Variants in PDE10A observed in about 807,000 individuals in gnomAD.
PDE10A encodes the protein phosphodiesterase 10A.
A neutral mutation model predicts 97.7 loss-of-function variants in PDE10A; 39 were observed. The observed-to-expected ratio is 0.40, with a 90% CI of 0.31 to 0.52. The LOEUF (loss-of-function observed/expected upper bound fraction) is 0.52. Among genes scored for constraint, PDE10A ranks in the 20% least tolerant of loss-of-function variants. PDE10A has a pLI of 0.56. For missense variants in PDE10A, 731 were observed against 1,047.8 expected (o/e 0.70, Z 4.17); for synonymous variants, 371 against 376.8 (o/e 0.98, Z 0.18).
chr6:165,691,589 G>GCACACA lies in PDE10A; in HGVS notation c.-614-148022_-614-148021insTGTGTG, dbSNP rs771642535. Among the ~76,000 whole-genome samples, 583 of 144,572 alleles carry GCACACA rather than the reference G, an allele frequency of 4.0e-3. 2 individuals are homozygous for GCACACA. The highest frequency in any genetic ancestry group is 7.0e-3 in the South Asian group (31 of 4,438). 94.8% of individuals were successfully genotyped at this position (144,572 alleles called of 152,430 possible). On this transcript the variant is annotated intron_variant, in intron 1 of 19. Coordinates refer to the PDE10A transcript ENST00000366882. ...TGCCCATGCGCACGCATGCACGCGC[G>GCACACA]CGCACACACACACACACACACACAC...
At chr6:165,469,403 G>C (rs565950987) in intron 3 of PDE10A, among the ~76,000 whole-genome samples, 7 of 152,262 alleles carry the variant, frequency 4.6e-5, no homozygotes, top group Admixed American at 1.3e-4. Flanking sequence ...CGCTCCACAC[G>C]GGTTTCTGAG....
intron 1 of PDE10A, among the ~76,000 whole-genome samples, chr6:165,758,868 G>T (rs1281288948): frequency 6.6e-6 from 1 of 152,206 alleles, no homozygotes; most frequent in Admixed American, 6.5e-5. Flanking sequence ...GCTCATTTTT[G>T]CTTTGAAATT....
intron 1 of PDE10A, among the ~76,000 whole-genome samples, chr6:165,879,635 A>G (rs554653881): frequency 2.0e-5 from 3 of 152,346 alleles, no homozygotes; most frequent in Non-Finnish European, 4.4e-5. Flanking sequence ...TCGCTGATGT[A>G]AAACGGTGCA....
At chr6:165,938,061 G>T (rs1252719470) in intron 1 of PDE10A, among the ~76,000 whole-genome samples, 1 of 152,178 alleles carries the variant, frequency 6.6e-6, no homozygotes, top group African/African-American at 2.4e-5. Context: ...GCCAAAGCTG[G>T]ACTGTCAGTA....
At chr6:165,852,260 C>G (rs1327919937) in intron 1 of PDE10A, among the ~76,000 whole-genome samples, 1 of 152,220 alleles carries the variant, frequency 6.6e-6, no homozygotes, top group Non-Finnish European at 1.5e-5. Context: ...ATGTAGAAGA[C>G]AGTGGCAAGT....
intron 1 of PDE10A, among the ~76,000 whole-genome samples, chr6:165,748,777 T>C (rs1464040085): frequency 2.6e-5 from 4 of 151,824 alleles, no homozygotes; most frequent in African/African-American, 7.3e-5. Context: ...GCACTTAGTG[T>C]TCAAATCAGT....
intron 1 of PDE10A, among the ~76,000 whole-genome samples, chr6:165,708,633 C>T (rs575467700): frequency 1.3e-5 from 2 of 151,898 alleles, no homozygotes; most frequent in Non-Finnish European, 2.9e-5. Context: ...GAAACCAACC[C>T]AGGAATGCCT....
chr6:165,336,245 A>G (rs1457764392), intron 20 of PDE10A, 34 bp from the exon 21 acceptor site: 2 of 1,390,948 alleles, frequency 1.4e-6, no homozygotes, highest in Admixed American at 1.7e-5. Context: ...ACAAGAAACA[A>G]AAGTGCACAT....
rs146735945 is a variant in PDE10A, at chr6:165,981,983, G to C, written c.-615+5546C>G. Among the ~76,000 whole-genome samples, 5 of 152,292 alleles carry C rather than the reference G, an allele frequency of 3.3e-5. No individual in the cohort carries two copies. In the East Asian group the frequency reaches 9.7e-4, roughly 29 times the overall value. Reference sequence around the variant, plus strand: ...CAACATACACATTCACTTTTAACTAGTTTTAGAGACATAAAATTGATGCTA... The same window carrying C: ...CAACATACACATTCACTTTTAACTACTTTTAGAGACATAAAATTGATGCTA... On this transcript the variant is annotated intron_variant, in intron 1 of 19. Coordinates refer to the PDE10A transcript ENST00000366882.
At chr6:165,516,399 T>C (rs1014784755) in intron 2 of PDE10A, among the ~76,000 whole-genome samples, 7 of 152,188 alleles carry the variant, frequency 4.6e-5, no homozygotes, top group Non-Finnish European at 7.4e-5. Context: ...GTCATAGTAT[T>C]CTTAATATAT....
At chr6:165,517,123 A>G (rs1036924035) in intron 2 of PDE10A, among the ~76,000 whole-genome samples, 4 of 152,208 alleles carry the variant, frequency 2.6e-5, no homozygotes, top group African/African-American at 7.2e-5. Flanking sequence ...CCAACATTAC[A>G]TAAGATATTA....
chr6:165,714,478 A>G (rs956078704), intron 1 of PDE10A, among the ~76,000 whole-genome samples: 19 of 152,180 alleles, frequency 1.2e-4, no homozygotes, highest in African/African-American at 4.3e-4. Context: ...AGGAATAGAC[A>G]GAGATCGACA....
At chr6:165,896,140 G>A (rs910416955) in intron 1 of PDE10A, among the ~76,000 whole-genome samples, 1 of 152,106 alleles carries the variant, frequency 6.6e-6, no homozygotes, top group African/African-American at 2.4e-5. Flanking sequence ...GCACAGCCCA[G>A]CGCCCACCCA....
intron 1 of PDE10A, among the ~76,000 whole-genome samples, chr6:165,824,968 T>TAAAA (rs71890265): frequency 8.9e-4 from 82 of 92,370 alleles, no homozygotes; most frequent in African/African-American, 3.3e-3. Context: ...CCGTCTCTAC[T>TAAAA]AAAAAAAAAA....
At chr6:165,759,911 T>G (rs1024879003) in intron 1 of PDE10A, among the ~76,000 whole-genome samples, 1 of 152,206 alleles carries the variant, frequency 6.6e-6, no homozygotes, top group African/African-American at 2.4e-5. Flanking sequence ...CTAAAACTTG[T>G]CTAGTAAGTG....
intron 1 of PDE10A, among the ~76,000 whole-genome samples, chr6:165,951,771 C>T (rs527568817): frequency 5.3e-5 from 8 of 152,318 alleles, no homozygotes; most frequent in East Asian, 3.9e-4. Flanking sequence ...AATCCAGGTG[C>T]GGGCACATCT....
intron 1 of PDE10A, among the ~76,000 whole-genome samples, chr6:165,744,818 G>C (rs923918265): frequency 1.3e-5 from 2 of 149,978 alleles, no homozygotes; most frequent in African/African-American, 5.0e-5. Context: ...ATCCAGCCCA[G>C]GGTTTTAAAT....
intron 1 of PDE10A, among the ~76,000 whole-genome samples, chr6:165,641,312 A>C (rs1789121817): frequency 1.3e-5 from 2 of 152,250 alleles, no homozygotes; most frequent in African/African-American, 2.4e-5. Flanking sequence ...AGCAGCAAAC[A>C]GAACTGTAAA....
intron 1 of PDE10A, chr6:165,894,429 G>A: frequency 2.2e-6 from 1 of 455,938 alleles, no homozygotes; most frequent in South Asian, 1.5e-5. Context: ...ATAAGTCAAG[G>A]CCTGCATTCA....
Sources: allele counts gnomAD v4.1 joint callset (sites outside exome capture counted in the v4.1 genomes callset), GRCh38; gene constraint gnomAD v4.1.1; transcripts MANE v1.5; gene names NCBI Gene and HGNC (gene_info 2026-07-23, HGNC 2026-07-21).